The following RAD51B variants were observed in gnomAD, a reference collection of about 807,000 sequenced individuals.
RAD51B encodes the protein RAD51 paralog B.
A neutral mutation model predicts 42.2 loss-of-function variants in RAD51B; 38 were observed. That is an observed-to-expected ratio of 0.90 (90% CI 0.70 to 1.18). The LOEUF (loss-of-function observed/expected upper bound fraction) is 1.18. RAD51B is among the 50% of genes most tolerant of loss of function. RAD51B has a pLI of 0.00. For synonymous variants in RAD51B, 154 were observed against 145.2 expected, an observed-to-expected ratio of 1.06 and a Z score of -0.43; for missense variants, 373 against 400.7, an observed-to-expected ratio of 0.93 and a Z score of 0.59.
At chr14:68,210,753 A>G (rs186747483) in intron 7 of RAD51B, among the ~76,000 whole-genome samples, 2 of 152,226 alleles carry the variant, frequency 1.3e-5, no homozygotes, top group Admixed American at 1.3e-4. Flanking sequence ...TGCACTCTGC[A>G]AAAGCAAGGA....
At chr14:68,031,932 C>T (rs1003918377) in intron 7 of RAD51B, among the ~76,000 whole-genome samples, 4 of 152,156 alleles carry the variant, frequency 2.6e-5, no homozygotes, top group Non-Finnish European at 4.4e-5. Context: ...TAGGTTCCAT[C>T]CACATTCACC....
Position 68,209,768 on chromosome 14 carries a change from C to T in RAD51B, c.757-82116C>T, listed in dbSNP as rs551904522. Reference sequence around the variant, plus strand: ...TTAGGCATCAAAGAAAGGAATTGCACTGAGAAATTTTAGTGATAATTCTTT... The same window carrying T: ...TTAGGCATCAAAGAAAGGAATTGCATTGAGAAATTTTAGTGATAATTCTTT... On this transcript the variant is annotated intron_variant, in intron 7 of 10. Transcript: ENST00000471583. 5.3e-5 allele frequency among the ~76,000 whole-genome samples: 8 copies of T among 152,216 alleles called. No individual in the cohort carries two copies. The East Asian group carries it at 1.5e-3, about 29-fold the overall frequency.
At chr14:68,530,579 A>G (rs11158749) in intron 10 of RAD51B, among the ~76,000 whole-genome samples, 75,387 of 151,684 alleles carry the variant, frequency 0.5, 19,400 homozygotes, top group East Asian at 0.7. Context: ...ATTCCAGCAG[A>G]CAGTGGAGTA....
At chr14:68,010,545 T>C (rs1375568714) in intron 7 of RAD51B, among the ~76,000 whole-genome samples, 1 of 151,762 alleles carries the variant, frequency 6.6e-6, no homozygotes, top group Non-Finnish European at 1.5e-5. Context: ...TTTAGAGTAA[T>C]GGATTCTGTT....
intron 7 of RAD51B, among the ~76,000 whole-genome samples, chr14:67,967,347 C>A (rs2074801265): frequency 6.6e-6 from 1 of 152,118 alleles, no homozygotes; most frequent in South Asian, 2.1e-4. Flanking sequence ...ATTTCAAAAC[C>A]AATCATGCCT....
At chr14:68,304,305 G>A (rs2081814170) in intron 8 of RAD51B, among the ~76,000 whole-genome samples, 1 of 152,200 alleles carries the variant, frequency 6.6e-6, no homozygotes, top group Non-Finnish European at 1.5e-5. Context: ...ACTTAGTGGG[G>A]TTCAATTATC....
At chr14:68,670,326 T>C (rs1291123689) in intron 11 of RAD51B, among the ~76,000 whole-genome samples, 1 of 152,118 alleles carries the variant, frequency 6.6e-6, no homozygotes, top group Non-Finnish European at 1.5e-5. Flanking sequence ...AGTGAGAAAG[T>C]CATGGTTAGG....
At chr14:67,978,194 GA>G (rs540867153) in intron 7 of RAD51B, among the ~76,000 whole-genome samples, 100 of 152,048 alleles carry the variant, frequency 6.6e-4, no homozygotes, top group African/African-American at 2.1e-3. Flanking sequence ...ATATAAAAAA[GA>G]TTTTTTTTTA....
chr14:68,450,202 A>C (rs1394889998), intron 9 of RAD51B, among the ~76,000 whole-genome samples: 1 of 105,508 alleles, frequency 9.5e-6, no homozygotes, highest in Non-Finnish European at 1.8e-5. Flanking sequence ...AAAAGAGCTT[A>C]GGGCTTTTTT....
chr14:68,300,449 A>G (rs939804183), intron 8 of RAD51B, among the ~76,000 whole-genome samples: 2 of 151,894 alleles, frequency 1.3e-5, no homozygotes, highest in Admixed American at 6.6e-5. Flanking sequence ...GCTTCAAGCA[A>G]TCCTCCTGCC....
intron 7 of RAD51B, among the ~76,000 whole-genome samples, chr14:68,226,120 A>G (rs1005613161): frequency 1.3e-5 from 2 of 152,134 alleles, no homozygotes; most frequent in African/African-American, 2.4e-5. Context: ...TGATATGGAG[A>G]AAAGGGCTCC....
chr14:68,632,113 CTCTT>C (rs201563034), intron 10 of RAD51B, among the ~76,000 whole-genome samples: 1 of 152,192 alleles, frequency 6.6e-6, no homozygotes, highest in African/African-American at 2.4e-5. Flanking sequence ...CACCAAGAAA[CTCTT>C]TCTTTCTTCT....
intron 7 of RAD51B, among the ~76,000 whole-genome samples, chr14:68,185,944 A>G (rs551897171): frequency 1.1e-3 from 164 of 152,310 alleles, no homozygotes; most frequent in African/African-American, 3.7e-3. Context: ...GAGGCATCAC[A>G]TTACCCAACT....
chr14:68,118,974 T>G (rs944076887), intron 7 of RAD51B, among the ~76,000 whole-genome samples: 2 of 152,106 alleles, frequency 1.3e-5, no homozygotes, highest in Admixed American at 6.5e-5. Context: ...TTTTTTTTAT[T>G]GAGACAAAGT....
At chr14:67,840,375 C>T (rs2041386944) in intron 4 of RAD51B, among the ~76,000 whole-genome samples, 1 of 152,174 alleles carries the variant, frequency 6.6e-6, no homozygotes. Context: ...TAAGTGAGAA[C>T]ATGCAGTCTT....
chr14:67,837,979 A>G (rs768399115), intron 4 of RAD51B, among the ~76,000 whole-genome samples: 1 of 152,158 alleles, frequency 6.6e-6, no homozygotes, highest in Non-Finnish European at 1.5e-5. Flanking sequence ...AATAACCACT[A>G]TTCTACTCTC....
chr14:68,128,816 C>T (rs2140666615), intron 7 of RAD51B, among the ~76,000 whole-genome samples: 1 of 152,310 alleles, frequency 6.6e-6, no homozygotes, highest in African/African-American at 2.4e-5. Context: ...TTTAAACTCT[C>T]AAGCTAGTTT....
chr14:67,963,368 C>A (rs2074707971), intron 7 of RAD51B, among the ~76,000 whole-genome samples: 1 of 152,004 alleles, frequency 6.6e-6, no homozygotes, highest in Non-Finnish European at 1.5e-5. Flanking sequence ...CCTAATATTT[C>A]TCAATGGTGA....
Position 67,965,481 on chromosome 14 carries a change from A to G in RAD51B, c.756+78277A>G, listed in dbSNP as rs139167028. 5.3e-5 allele frequency among the ~76,000 whole-genome samples: 8 copies of G among 152,222 alleles called. No homozygotes were observed. The East Asian group carries it at 1.5e-3, about 29-fold the overall frequency. On this transcript the variant is annotated intron_variant, in intron 7 of 10. Coordinates refer to ENST00000471583, the MANE Select transcript of RAD51B (RefSeq NM_133510.4). ...TTGTCAAATCTCTTTCTTTAAAGAC[A>G]GTTCTAATCATATCACTCTCTGGTT...
Sources: allele counts gnomAD v4.1 joint callset (sites outside exome capture counted in the v4.1 genomes callset), GRCh38; gene constraint gnomAD v4.1.1; transcripts MANE v1.5; gene names NCBI Gene and HGNC (gene_info 2026-07-23, HGNC 2026-07-21).